Variants in RBL2 observed in about 807,000 individuals in gnomAD.
RBL2 encodes RB transcriptional corepressor like 2, also known as retinoblastoma-like protein 2.
RBL2 carries 56 observed loss-of-function variants against 126.0 expected under a neutral mutation model. The ratio of observed to expected loss-of-function variants is 0.44; its 90% CI spans 0.36 to 0.56. The LOEUF (loss-of-function observed/expected upper bound fraction) is 0.56, where lower values mean the gene tolerates loss of function less well. Ranked by LOEUF, RBL2 falls within the 20% of genes least tolerant of loss-of-function variation. RBL2 has a pLI of 0.00. For missense variants in RBL2, 1,229 were observed against 1,398.2 expected, an observed-to-expected ratio of 0.88 and a Z score of 1.93; for synonymous variants, 454 against 478.5, an observed-to-expected ratio of 0.95 and a Z score of 0.67.
At chr16:53,478,848 G>T in intron 17 of RBL2, 1 of 246,474 alleles carries the variant, frequency 4.1e-6, no homozygotes, top group Non-Finnish European at 7.8e-6. Context: ...TCTTGAACTC[G>T]TGACTTCAAG....
intron 2 of RBL2, among the ~76,000 whole-genome samples, chr16:53,439,954 C>CAAAAAAAAAAAAAAAAAAAAAAA (rs10591959): frequency 1.1e-5 from 1 of 91,966 alleles, no homozygotes; most frequent in African/African-American, 4.0e-5. Flanking sequence ...ACCTTGTCTC[C>CAAAAAAAAAAAAAAAAAAAAAAA]AAAAAAAAAA....
intron 3 of RBL2, among the ~76,000 whole-genome samples, chr16:53,443,490 G>A (rs2058035512): frequency 6.6e-6 from 1 of 152,140 alleles, no homozygotes; most frequent in South Asian, 2.1e-4. Context: ...ACTGGATTGG[G>A]AAAAGACAGG....
Position 53,490,282 on chromosome 16 carries a change from T to A in RBL2, c.3402T>A (p.Asn1134Lys), listed in dbSNP as rs767254898. ...ALLRRLQDVA[N>K]DRGSH is the part of the protein sequence containing the mutation. ...TACGCCGTCTCCAAGATGTAGCTAATGACCGTGGTTCCCACTGAGGTTAGT... is the reference window on the plus strand; with the variant it reads ...TACGCCGTCTCCAAGATGTAGCTAAAGACCGTGGTTCCCACTGAGGTTAGT... The change falls in exon 22 of 22, where the codon AAT (asparagine) becomes AAA (lysine). Residue 1134 changes from asparagine (N) to lysine (K), a missense_variant. This residue lies in a region of RBL2 where 1,070 missense variants were observed against 1,274.3 expected (regional missense o/e 0.84). Transcript: ENST00000262133. The A allele has an allele frequency of 1.2e-6, 2 of 1,610,492 alleles. No homozygotes were observed. Among genetic ancestry groups the A allele is most frequent in the South Asian group, 2.2e-5 (2 of 90,416 alleles).
At position 53,480,669 on chromosome 16, in the gene RBL2, G is replaced by T; in HGVS notation, c.2984G>T (p.Ser995Ile). 1 of 1,613,986 alleles carries T rather than the reference G, an allele frequency of 6.2e-7. No individual in the cohort carries two copies. The highest frequency in any genetic ancestry group is 8.5e-7 in the Non-Finnish European group (1 of 1,180,010). ...PTPTRLTGAN[S>I]DMEEEERGDL... ...CCTACTCGCCTCACAGGTGCCAACA[G>T]TGACATGGAAGAAGAGGAGAGGGGA... The change falls in exon 20 of 22, where the codon AGT (serine) becomes ATT (isoleucine). Residue 995 changes from serine to isoleucine, a missense_variant. This residue lies in a region of RBL2 where 1,070 missense variants were observed against 1,274.3 expected (regional missense o/e 0.84). Transcript: ENST00000262133.
intron 13 of RBL2, 28 bp from the exon 14 acceptor site, chr16:53,467,030 G>T: frequency 6.5e-7 from 1 of 1,531,480 alleles, no homozygotes; most frequent in South Asian, 1.2e-5. Context: ...TTTGGATACT[G>T]GCATTCTGTG....
chr16:53,454,555 A>G (rs1004038345), intron 7 of RBL2, 101 bp from the exon 8 acceptor site: 31 of 1,169,144 alleles, frequency 2.7e-5, no homozygotes, highest in Non-Finnish European at 3.4e-5. Context: ...TTAACTTTCA[A>G]AAAACTATTA....
At chr16:53,438,700 C>T (rs1264689555) in intron 1 of RBL2, among the ~76,000 whole-genome samples, 2 of 151,762 alleles carry the variant, frequency 1.3e-5, no homozygotes, top group Non-Finnish European at 2.9e-5. Context: ...AAAAATTAGC[C>T]AGGTATGGTG....
intron 4 of RBL2, among the ~76,000 whole-genome samples, chr16:53,447,422 CTA>C (rs2058072492): frequency 6.6e-6 from 1 of 152,136 alleles, no homozygotes; most frequent in South Asian, 2.1e-4. Flanking sequence ...ATTGTGAACT[CTA>C]TTTTTCATGA....
chr16:53,453,398 C>T (rs1226207492), intron 5 of RBL2, 54 bp from the exon 6 acceptor site: 4 of 1,491,190 alleles, frequency 2.7e-6, no homozygotes, highest in African/African-American at 2.8e-5. Context: ...TAGTTTATTA[C>T]AAATTGGCTT....
At chr16:53,475,063 CT>C (rs1960678079) in intron 17 of RBL2, among the ~76,000 whole-genome samples, 1 of 152,176 alleles carries the variant, frequency 6.6e-6, no homozygotes, top group Admixed American at 6.5e-5. Flanking sequence ...TCATCTGTTT[CT>C]TCTAGAATCA....
At chr16:53,461,147 T>A (rs1209933576) in intron 9 of RBL2, among the ~76,000 whole-genome samples, 1 of 152,096 alleles carries the variant, frequency 6.6e-6, no homozygotes, top group Non-Finnish European at 1.5e-5. Context: ...TGGGGGACAG[T>A]CATAGATATC....
chr16:53,471,394 C>T (rs918262625), intron 17 of RBL2, among the ~76,000 whole-genome samples: 1 of 152,146 alleles, frequency 6.6e-6, no homozygotes, highest in African/African-American at 2.4e-5. Flanking sequence ...TCTCCACTAT[C>T]TCATTAACAC....
rs999648372 is a variant in RBL2, at chr16:53,479,238, T to A, written c.2775+13T>A. 6.2e-7 allele frequency: 1 copy of A among 1,602,668 alleles called. No homozygotes were observed. The highest frequency in any genetic ancestry group is 8.5e-7 in the Non-Finnish European group (1 of 1,169,642). ...GGCCCGGAGCCAGGTAACTACATTT[T>A]CTCTATGGGCTGAAAAATAAAGCTT... On this transcript the variant is annotated intron_variant, in intron 18 of 21. Coordinates refer to ENST00000262133, the MANE Select transcript of RBL2 (RefSeq NM_005611.4).
At chr16:53,463,642 T>C (rs1567737077) in intron 11 of RBL2, among the ~76,000 whole-genome samples, 1 of 150,070 alleles carries the variant, frequency 6.7e-6, no homozygotes, top group African/African-American at 2.5e-5. Context: ...AACGTCGGCT[T>C]ACTGCAACCT....
chr16:53,447,022 T>C lies in RBL2; in HGVS notation c.573-20T>C. 1 of 1,480,726 alleles carries C rather than the reference T, an allele frequency of 6.8e-7. No homozygotes were observed. Among genetic ancestry groups the C allele is most frequent in the Non-Finnish European group, 9.0e-7 (1 of 1,111,950 alleles). The allele number at this position is 1,480,726 out of a possible 1,614,324, so 91.7% of individuals were successfully genotyped here. On this transcript the variant is annotated intron_variant, in intron 3 of 21. Transcript: ENST00000262133. ...TGATTCTTCTGTTGTCTCATGACTT[T>C]TTTTTTTCTTCCCCCAAAGGCGACA...
intron 21 of RBL2, chr16:53,487,488 A>G (rs1237669793): frequency 6.6e-6 from 1 of 152,234 alleles, no homozygotes; most frequent in South Asian, 2.1e-4. Flanking sequence ...GGATGTGCAT[A>G]TAACAAAATA....
chr16:53,472,409 C>T (rs1275925223), intron 17 of RBL2, among the ~76,000 whole-genome samples: 2 of 152,206 alleles, frequency 1.3e-5, no homozygotes, highest in Non-Finnish European at 2.9e-5. Context: ...AGTTTCTCCA[C>T]ATCCTTGCCA....
intron 4 of RBL2, among the ~76,000 whole-genome samples, 188 bp downstream of exon 4, chr16:53,447,294 C>G (rs1329223350): frequency 7.0e-6 from 1 of 142,426 alleles, no homozygotes; most frequent in Non-Finnish European, 1.6e-5. Flanking sequence ...TTTACAATAT[C>G]CAAATCTTCT....
At chr16:53,466,501 T>C (rs1348742165) in intron 13 of RBL2, among the ~76,000 whole-genome samples, 1 of 151,824 alleles carries the variant, frequency 6.6e-6, no homozygotes, top group African/African-American at 2.4e-5. Flanking sequence ...TTCCTGCAAC[T>C]AGATGGTCCC....
Sources: allele counts gnomAD v4.1 joint callset (sites outside exome capture counted in the v4.1 genomes callset), GRCh38; gene constraint gnomAD v4.1.1; regional missense constraint gnomAD v4.1.1; transcripts MANE v1.5; gene names NCBI Gene and HGNC (gene_info 2026-07-23, HGNC 2026-07-21).